PSTPIP2: variants seen among roughly 807,000 people sequenced by gnomAD.
PSTPIP2 encodes the protein proline-serine-threonine phosphatase interacting protein 2, also known as proline-serine-threonine phosphatase-interacting protein 2.
PSTPIP2 carries 33 observed loss-of-function variants against 63.3 expected under a neutral mutation model. That is an observed-to-expected ratio of 0.52 (90% CI 0.40 to 0.70). The LOEUF is 0.70. PSTPIP2 is among the 30% of genes least tolerant of loss of function. PSTPIP2 has a pLI of 0.00. For missense variants in PSTPIP2, 312 were observed against 400.7 expected, an observed-to-expected ratio of 0.78 and a Z score of 1.89; for synonymous variants, 125 against 132.7, an observed-to-expected ratio of 0.94 and a Z score of 0.40.
rs1247172238 is a variant in PSTPIP2, at chr18:46,011,014, T to C, written c.354+167A>G. The C allele has an allele frequency of 6.7e-6, 4 of 597,442 alleles. No homozygotes were observed. In the South Asian group the frequency reaches 8.8e-5, roughly 13 times the overall value. 37.0% of individuals were successfully genotyped at this position (597,442 alleles called of 1,614,324 possible). A position where few individuals can be genotyped will look rare whatever the true frequency, so the allele number is the denominator to read the frequency against. On this transcript the variant is annotated intron_variant, in intron 5 of 14. Transcript: ENST00000409746. ...GGACAACTGGCCTGGGGTGTAGAAA[T>C]GCATATACCCATCTGGACTGAGTCC...
At chr18:46,064,944 AGACCAGCCT>A (rs753364054) in intron 1 of PSTPIP2, among the ~76,000 whole-genome samples, 7 of 151,888 alleles carry the variant, frequency 4.6e-5, no homozygotes, top group Non-Finnish European at 8.8e-5. Flanking sequence ...CAGGGGTTCA[AGACCAGCCT>A]GACCAACATG....
At chr18:45,989,140 C>A (rs1422843683) in intron 13 of PSTPIP2, among the ~76,000 whole-genome samples, 2 of 152,076 alleles carry the variant, frequency 1.3e-5, no homozygotes, top group Non-Finnish European at 2.9e-5. Flanking sequence ...TTTTCCATCA[C>A]TAAATTTTTA....
At chr18:46,006,848 A>G (rs1208139290) in intron 5 of PSTPIP2, among the ~76,000 whole-genome samples, 1 of 152,250 alleles carries the variant, frequency 6.6e-6, no homozygotes, top group Non-Finnish European at 1.5e-5. Flanking sequence ...TTACGCGCTA[A>G]GCAGTTTTCA....
At chr18:46,012,418 G>C (rs1041237551) in intron 4 of PSTPIP2, among the ~76,000 whole-genome samples, 2 of 152,216 alleles carry the variant, frequency 1.3e-5, no homozygotes, top group African/African-American at 4.8e-5. Flanking sequence ...ACTATAGAGA[G>C]AGATGTATAG....
intron 4 of PSTPIP2, 31 bp from the exon 5 acceptor site, chr18:46,011,318 G>T: frequency 2.7e-6 from 4 of 1,454,770 alleles, no homozygotes; most frequent in East Asian, 4.5e-5. Context: ...AAAAATCAAG[G>T]TCTACATATG....
chr18:46,063,840 T>C (rs1909076536), intron 1 of PSTPIP2, among the ~76,000 whole-genome samples: 1 of 152,002 alleles, frequency 6.6e-6, no homozygotes, highest in African/African-American at 2.4e-5. Context: ...AAAAAGACAA[T>C]AGCTATGACT....
intron 2 of PSTPIP2, among the ~76,000 whole-genome samples, chr18:46,031,311 T>C (rs1198030216): frequency 6.6e-6 from 1 of 152,194 alleles, no homozygotes; most frequent in Non-Finnish European, 1.5e-5. Flanking sequence ...ATCTTGCTCC[T>C]GGTACTGTGG....
chr18:46,004,969 T>A (rs1172103481), intron 6 of PSTPIP2, among the ~76,000 whole-genome samples: 1 of 152,126 alleles, frequency 6.6e-6, no homozygotes, highest in African/African-American at 2.4e-5. Context: ...TAAATGCCAA[T>A]CAATGACAGA....
At chr18:46,069,811 T>C (rs1220248327) in intron 1 of PSTPIP2, among the ~76,000 whole-genome samples, 3 of 152,214 alleles carry the variant, frequency 2.0e-5, no homozygotes, top group African/African-American at 7.2e-5. Context: ...TCTCTTCCTC[T>C]ATTTCTCTGT....
chr18:45,996,904 A>C (rs986168670), intron 9 of PSTPIP2, among the ~76,000 whole-genome samples: 1 of 152,348 alleles, frequency 6.6e-6, no homozygotes. Context: ...CCTGGGCGAC[A>C]GAGTGAGACC....
chr18:46,020,095 T>G (rs902730426), intron 3 of PSTPIP2, among the ~76,000 whole-genome samples: 5 of 152,184 alleles, frequency 3.3e-5, no homozygotes, highest in African/African-American at 1.2e-4. Flanking sequence ...GTCATCAGCT[T>G]TGTTGTCTCC....
chr18:46,025,165 C>T (rs567100356), intron 2 of PSTPIP2, among the ~76,000 whole-genome samples: 4 of 152,036 alleles, frequency 2.6e-5, no homozygotes, highest in Admixed American at 1.3e-4. Flanking sequence ...CACTAAACAT[C>T]CTCCTTCCCC....
At position 45,997,841 on chromosome 18, in the gene PSTPIP2, G is replaced by C; in HGVS notation, c.563-13C>G. 6.2e-7 allele frequency: 1 copy of C among 1,609,014 alleles called. No homozygotes were observed. Among genetic ancestry groups the C allele is most frequent in the Non-Finnish European group, 8.5e-7 (1 of 1,178,668 alleles). The stretch of plus-strand genomic sequence containing the variant: ...ATGTATGCTTTGTCTGCAACAGAAG[G>C]GAGAGACCTGGGTCAGAAACTAGAC... On this transcript the variant is annotated splice_polypyrimidine_tract_variant and intron_variant, in intron 8 of 14. Coordinates refer to ENST00000409746, the MANE Select transcript of PSTPIP2 (RefSeq NM_024430.4).
chr18:46,070,148 G>A (rs1487753283), intron 1 of PSTPIP2, among the ~76,000 whole-genome samples: 4 of 152,136 alleles, frequency 2.6e-5, no homozygotes, highest in East Asian at 1.9e-4. Context: ...ATTCAAGCCC[G>A]GGCAGCCCAC....
At chr18:46,017,358 A>C (rs2051863235) in intron 3 of PSTPIP2, among the ~76,000 whole-genome samples, 1 of 152,088 alleles carries the variant, frequency 6.6e-6, no homozygotes, top group African/African-American at 2.4e-5. Context: ...CAGTTTGACT[A>C]TTCTTGTGTA....
intron 1 of PSTPIP2, among the ~76,000 whole-genome samples, chr18:46,068,712 A>C (rs1909282230): frequency 6.6e-6 from 1 of 152,104 alleles, no homozygotes; most frequent in Admixed American, 6.5e-5. Flanking sequence ...GTATTGAAAA[A>C]GAAAAAAGAA....
intron 1 of PSTPIP2, among the ~76,000 whole-genome samples, chr18:46,065,867 G>A (rs1485876910): frequency 6.6e-6 from 1 of 151,936 alleles, no homozygotes; most frequent in Admixed American, 6.6e-5. Context: ...CTCCCAAAGT[G>A]CTGGGATTAC....
chr18:45,999,586 T>C (rs1166143134), intron 6 of PSTPIP2, 52 bp from the exon 7 acceptor site: 3 of 1,591,360 alleles, frequency 1.9e-6, no homozygotes, highest in African/African-American at 1.3e-5. Context: ...AGTGTAACCA[T>C]GAAATGCAGC....
intron 6 of PSTPIP2, among the ~76,000 whole-genome samples, chr18:46,004,169 C>T (rs563935600): frequency 1.1e-4 from 16 of 152,306 alleles, no homozygotes; most frequent in African/African-American, 3.8e-4. Flanking sequence ...TCAACTAACA[C>T]TATTTCTGTA....
Sources: allele counts gnomAD v4.1 joint callset (sites outside exome capture counted in the v4.1 genomes callset), GRCh38; gene constraint gnomAD v4.1.1; transcripts MANE v1.5; gene names NCBI Gene and HGNC (gene_info 2026-07-23, HGNC 2026-07-21).